The following ZCCHC8 variants were observed in gnomAD, a reference collection of about 807,000 sequenced individuals.
ZCCHC8 encodes the protein zinc finger CCHC domain-containing protein 8.
ZCCHC8 carries 27 observed loss-of-function variants against 70.6 expected under a neutral mutation model. That is an observed-to-expected ratio of 0.38 (90% CI 0.28 to 0.53). The LOEUF (loss-of-function observed/expected upper bound fraction) is 0.53, where lower values mean the gene tolerates loss of function less well. ZCCHC8 is among the 20% of genes least tolerant of loss of function. ZCCHC8 has a pLI of 0.81. For synonymous variants in ZCCHC8, 293 were observed against 317.4 expected (o/e 0.92, Z 0.82); for missense variants, 737 against 876.9 (o/e 0.84, Z 2.01).
chr12:122,474,168 T>C lies in ZCCHC8; in HGVS notation c.1453A>G (p.Thr485Ala). The C allele has an allele frequency of 6.6e-7, 1 of 1,513,356 alleles. No homozygotes were observed. Among genetic ancestry groups the C allele is most frequent in the Non-Finnish European group, 8.8e-7 (1 of 1,138,254 alleles). The allele number at this position is 1,513,356 out of a possible 1,614,324, so 93.7% of individuals were successfully genotyped here. ...LPRGTPPPVF[T>A]PPLPKGTPPL... ...GGGGTGCCCTTTGGGAGTGGAGGGG[T>C]GAAGACGGGTGGAGGAGTTCCCCGG... is the stretch of plus-strand genomic sequence containing the variant. Residue 485 changes from threonine to alanine, a missense_variant, in exon 14 of 14, where the codon ACC becomes GCC. Transcript: ENST00000633063.
chr12:122,500,563 CGGCGCTGCCCCGGCCCCACGCCT>C lies in ZCCHC8; in HGVS notation c.199+56_199+78del, dbSNP rs1215363405. ...TTCCGCCCGCGCCCTCGCCCTCGCC[CGGCGCTGCCCCGGCCCCACGCCT>C]GGCGCTGCCCCGGCCCCACACCCGG... On this transcript the variant is annotated intron_variant, in intron 1 of 13. Coordinates refer to ENST00000633063, the MANE Select transcript of ZCCHC8 (RefSeq NM_017612.5). The surrounding 1 kb of genome is among the most constrained non-coding windows in gnomAD (Gnocchi z 4.8). 304 of 1,445,294 alleles carry C rather than the reference CGGCGCTGCCCCGGCCCCACGCCT, an allele frequency of 2.1e-4. No individual in the cohort carries two copies. The highest frequency in any genetic ancestry group is 9.7e-4 in the African/African-American group (68 of 69,822). 89.5% of individuals were successfully genotyped at this position (1,445,294 alleles called of 1,614,324 possible).
At chr12:122,482,124 C>T (rs7955086) in intron 8 of ZCCHC8, 37 bp from the exon 9 acceptor site, 1 of 1,551,446 alleles carries the variant, frequency 6.4e-7, no homozygotes, top group Middle Eastern at 1.7e-4. Context: ...TGGTTTCATG[C>T]AACTCAGAAA....
In ZCCHC8 at chr12:122,500,368, A is replaced by G. The variant is rs912533575; in HGVS notation, c.199+274T>C. The stretch of plus-strand genomic sequence containing the variant: ...ACAATCTGTCAGGTGAGCAGCCTAA[A>G]ATAACCCTAAACACGGCACCCGGGT... On this transcript the variant is annotated intron_variant, in intron 1 of 13. Coordinates refer to ENST00000633063, the MANE Select transcript of ZCCHC8 (RefSeq NM_017612.5). This position sits in a 1 kb window ranked among gnomAD's most constrained non-coding sequence, Gnocchi z 4.8. The G allele has an allele frequency of 2.1e-6, 1 of 484,818 alleles. No individual in the cohort carries two copies. The highest frequency in any genetic ancestry group is 3.7e-6 in the Non-Finnish European group (1 of 269,952). The allele number at this position is 484,818 out of a possible 1,614,324, so 30.0% of individuals were successfully genotyped here. A position where few individuals can be genotyped will look rare whatever the true frequency, so the allele number is the denominator to read the frequency against.
intron 3 of ZCCHC8, 115 bp downstream of exon 3, chr12:122,492,600 G>A: frequency 2.8e-6 from 2 of 721,442 alleles, no homozygotes; most frequent in South Asian, 1.8e-5. Context: ...AACTCCAGGG[G>A]CATTTTAAGT....
At chr12:122,490,414 G>T in intron 4 of ZCCHC8, 48 bp downstream of exon 4, 1 of 1,423,286 alleles carries the variant, frequency 7.0e-7, no homozygotes, top group Non-Finnish European at 9.8e-7. Flanking sequence ...ATAATTGGCA[G>T]TGAAACGCAT....
intron 13 of ZCCHC8, among the ~76,000 whole-genome samples, chr12:122,474,764 T>C (rs1362984597): frequency 2.4e-5 from 3 of 127,244 alleles, no homozygotes; most frequent in Admixed American, 8.3e-5. Context: ...TGAGACAGTC[T>C]TACTCTGCCA....
chr12:122,482,575 G>T, intron 8 of ZCCHC8, 60 bp downstream of exon 8: 1 of 1,318,464 alleles, frequency 7.6e-7, no homozygotes, highest in Non-Finnish European at 1.1e-6. Context: ...TAACATAAAT[G>T]TGTTGAAAAC....
chr12:122,483,323 G>A lies in ZCCHC8; in HGVS notation c.627C>T (p.His209=). The A allele has an allele frequency of 6.2e-7, 1 of 1,600,064 alleles. No homozygotes were observed. Among genetic ancestry groups the A allele is most frequent in the East Asian group, 2.2e-5 (1 of 44,662 alleles). ...EIPKYHQVFS[H]IVSLEGQEIQ... is the part of the protein sequence containing the mutation. ...TTTCTTGCCCTTCTAGAGAAACAATGTGGCTGAAGACTTGATGGTACCTTT... is the reference window on the plus strand; with the variant it reads ...TTTCTTGCCCTTCTAGAGAAACAATATGGCTGAAGACTTGATGGTACCTTT... The change falls in exon 7 of 14, where the codon CAC becomes CAT. Residue 209 remains histidine (H), a synonymous_variant. Transcript: ENST00000633063. This position sits in a 1 kb window ranked among gnomAD's most constrained non-coding sequence, Gnocchi z 4.4.
chr12:122,491,000 T>G (rs1957733036), intron 3 of ZCCHC8: 3 of 152,568 alleles, frequency 2.0e-5, no homozygotes, highest in African/African-American at 7.3e-5. Context: ...TTCCACATCC[T>G]CCTCCCAGAG....
At chr12:122,495,179 T>C (rs754677042) in intron 2 of ZCCHC8, among the ~76,000 whole-genome samples, 9 of 152,210 alleles carry the variant, frequency 5.9e-5, no homozygotes, top group Admixed American at 2.0e-4. Flanking sequence ...TTTCATTTTT[T>C]GTATATTTTC....
intron 12 of ZCCHC8, 124 bp from the exon 13 acceptor site, chr12:122,478,082 G>A: frequency 1.7e-6 from 2 of 1,211,490 alleles, no homozygotes; most frequent in Middle Eastern, 1.9e-4. Context: ...GGTGAATTTT[G>A]CCACTGTTTT....
intron 11 of ZCCHC8, 129 bp from the exon 12 acceptor site, chr12:122,478,421 T>A: frequency 1.5e-6 from 1 of 669,096 alleles, no homozygotes; most frequent in Non-Finnish European, 2.5e-6. Context: ...ACTTTTCCTT[T>A]ATTGGAAATT....
chr12:122,481,361 ATTCC>A, intron 10 of ZCCHC8, 157 bp downstream of exon 10: 1 of 956,996 alleles, frequency 1.0e-6, no homozygotes, highest in Non-Finnish European at 1.5e-6. Context: ...CTGAAATTTT[ATTCC>A]TTCCTTGTAA....
chr12:122,494,389 TAA>T (rs60678865), intron 2 of ZCCHC8, among the ~76,000 whole-genome samples: 3 of 120,232 alleles, frequency 2.5e-5, no homozygotes, highest in African/African-American at 3.1e-5. Context: ...CCGTTTCTAC[TAA>T]AAAAAAAAAA....
chr12:122,490,112 T>A (rs934966871), intron 4 of ZCCHC8, among the ~76,000 whole-genome samples: 1 of 152,184 alleles, frequency 6.6e-6, no homozygotes, highest in African/African-American at 2.4e-5. Context: ...CACAATTAAT[T>A]TTCTAAAAAC....
rs757229462 is a variant in ZCCHC8, at chr12:122,481,925, T to C, written c.875+20A>G. On this transcript the variant is annotated intron_variant, in intron 9 of 13. Coordinates refer to ENST00000633063, the MANE Select transcript of ZCCHC8 (RefSeq NM_017612.5). ...CTAGGGAAATAAAAATGACCTTCTATGGTAAAATGCCATTAGTACCTAATA... is the reference window on the plus strand; with the variant it reads ...CTAGGGAAATAAAAATGACCTTCTACGGTAAAATGCCATTAGTACCTAATA... The C allele has an allele frequency of 1.2e-6, 2 of 1,605,486 alleles. No homozygotes were observed. The highest frequency in any genetic ancestry group is 8.5e-7 in the Non-Finnish European group (1 of 1,176,190).
chr12:122,495,603 A>G (rs1253185381), intron 2 of ZCCHC8, among the ~76,000 whole-genome samples: 1 of 152,092 alleles, frequency 6.6e-6, no homozygotes, highest in African/African-American at 2.4e-5. Context: ...TAATGCCAGC[A>G]CTTTGGGAAG....
chr12:122,488,054 C>G (rs1325670750), intron 5 of ZCCHC8, among the ~76,000 whole-genome samples: 2 of 148,558 alleles, frequency 1.3e-5, no homozygotes, highest in African/African-American at 5.0e-5. Context: ...TTTTTTGAGA[C>G]AGAGTCTCAC....
chr12:122,489,493 C>G (rs745712381), intron 4 of ZCCHC8, 30 bp from the exon 5 acceptor site: 10 of 1,596,698 alleles, frequency 6.3e-6, no homozygotes, highest in Non-Finnish European at 7.7e-6. Flanking sequence ...ATATTACAAC[C>G]GGTAACCAAT....
Sources: gnomAD v4.1 joint callset for allele counts (sites outside exome capture counted in the v4.1 genomes callset) on GRCh38, gnomAD v4.1.1 for gene constraint, Gnocchi (gnomAD v3.1) non-coding constraint, MANE v1.5 for transcripts, NCBI Gene and HGNC (gene_info 2026-07-23, HGNC 2026-07-21) for gene names.